FAM72A: variants seen among roughly 807,000 people sequenced by gnomAD.
FAM72A encodes protein FAM72A.
FAM72A carries 1 observed loss-of-function variant against 11.3 expected under a neutral mutation model. That is an observed-to-expected ratio of 0.09 (90% CI 0.03 to 0.42). The LOEUF is 0.42. Among genes scored for constraint, FAM72A ranks in the 10% least tolerant of loss-of-function variants. FAM72A has a pLI of 0.98. For missense variants in FAM72A, 15 were observed against 135.5 expected, an observed-to-expected ratio of 0.11 and a Z score of 4.41; for synonymous variants, 5 against 46.9, an observed-to-expected ratio of 0.11 and a Z score of 3.65.
upstream of FAM72A, chr1:206,204,165 T>C: frequency 2.4e-6 from 1 of 408,340 alleles, no homozygotes; most frequent in Non-Finnish European, 4.2e-6. Flanking sequence ...CTCCCATCCC[T>C]AGACCACATC....
At chr1:206,191,612 CAAAA>C (rs541222246) in intron 3 of FAM72A, among the ~76,000 whole-genome samples, 1 of 85,452 alleles carries the variant, frequency 1.2e-5, no homozygotes, top group Admixed American at 1.3e-4. Flanking sequence ...AACTCTGTCT[CAAAA>C]AAAAAAAAAA....
chr1:206,191,719 ATATTAT>A (rs1239420806), intron 3 of FAM72A, among the ~76,000 whole-genome samples: 1 of 128,980 alleles, frequency 7.8e-6, no homozygotes, highest in Admixed American at 7.6e-5. Context: ...TCTTACTAAA[ATATTAT>A]TTTTTTTTTT....
intron 3 of FAM72A, among the ~76,000 whole-genome samples, chr1:206,192,058 G>GA (rs1329736621): frequency 8.5e-6 from 1 of 117,206 alleles, no homozygotes; most frequent in Non-Finnish European, 1.7e-5. Flanking sequence ...AAGTCTAACA[G>GA]CATATGCTTA....
rs1178799039 is a variant in FAM72A, at chr1:206,198,363, TA to T, written c.230+1443del. On this transcript the variant is annotated intron_variant, in intron 2 of 3. Transcript: ENST00000367128. ...TGGGTGACAGAGCAAAACTCCGTCT[TA>T]AAAAAAAAAAAAAAGAAAGAAGAAA... 7.2e-3 allele frequency among the ~76,000 whole-genome samples: 1,011 copies of T among 140,880 alleles called. 1 individual carries two copies. Among genetic ancestry groups the T allele is most frequent in the Non-Finnish European group, 7.6e-3 (487 of 64,262 alleles). 92.4% of individuals were successfully genotyped at this position (140,880 alleles called of 152,430 possible).
chr1:206,193,715 C>T (rs1664916888), intron 3 of FAM72A, among the ~76,000 whole-genome samples: 1 of 151,750 alleles, frequency 6.6e-6, no homozygotes, highest in Admixed American at 6.6e-5. Flanking sequence ...TATACTTTGC[C>T]TGTGCGCTGT....
At chr1:206,198,518 TAAG>T (rs1313950699) in intron 2 of FAM72A, among the ~76,000 whole-genome samples, 61 of 144,988 alleles carry the variant, frequency 4.2e-4, no homozygotes, top group Non-Finnish European at 7.6e-4. Flanking sequence ...AAATAGCACA[TAAG>T]AAGAGCTTGC....
intron 3 of FAM72A, among the ~76,000 whole-genome samples, chr1:206,190,633 G>A (rs1664733579): frequency 7.9e-6 from 1 of 127,344 alleles, no homozygotes; most frequent in Non-Finnish European, 1.6e-5. Context: ...CCCTTTGGAG[G>A]CCAAGGTGGG....
upstream of FAM72A, chr1:206,203,251 T>G (rs2102405838): frequency 2.6e-6 from 1 of 389,444 alleles, no homozygotes; most frequent in Non-Finnish European, 4.6e-6. Flanking sequence ...CAATTGGCCG[T>G]GCCTTAGCTC....
At chr1:206,203,021 G>A (rs1553299577), upstream of FAM72A, 2 of 153,544 alleles carry the variant, frequency 1.3e-5, no homozygotes, top group Non-Finnish European at 2.9e-5. Flanking sequence ...CCCAGTAACG[G>A]TGCTGAGATC....
At chr1:206,198,647 A>C (rs1270904811) in intron 2 of FAM72A, among the ~76,000 whole-genome samples, 2 of 151,838 alleles carry the variant, frequency 1.3e-5, no homozygotes, top group African/African-American at 4.8e-5. Flanking sequence ...TAACACGTCT[A>C]CTCAAAAGAT....
At position 206,198,342 on chromosome 1, in the gene FAM72A, T is replaced by C. The variant is rs1300331773; in HGVS notation, c.230+1465A>G. ...TCGTGCCACTGCACTCTAGCCTGGG[T>C]GACAGAGCAAAACTCCGTCTTAAAA... On this transcript the variant is annotated intron_variant, in intron 2 of 3. Coordinates refer to ENST00000367128, the MANE Select transcript of FAM72A (RefSeq NM_001123168.3). Among the ~76,000 whole-genome samples, 511 of 149,530 alleles carry C rather than the reference T, an allele frequency of 3.4e-3. 1 individual carries two copies. The highest frequency in any genetic ancestry group is 0.014 in the Middle Eastern group (4 of 284).
upstream of FAM72A, chr1:206,203,592 A>G (rs1187790776): frequency 3.2e-5 from 19 of 584,960 alleles, no homozygotes; most frequent in African/African-American, 5.6e-5. Flanking sequence ...AAGAGAGGGG[A>G]GGAGAGCTCT....
At chr1:206,190,611 C>G (rs1330070891) in intron 3 of FAM72A, among the ~76,000 whole-genome samples, 1 of 126,992 alleles carries the variant, frequency 7.9e-6, no homozygotes, top group East Asian at 2.4e-4. Context: ...TGTCTCAGGC[C>G]TGTAATCCCA....
At chr1:206,193,276 A>G (rs1664894633) in intron 3 of FAM72A, among the ~76,000 whole-genome samples, 1 of 146,600 alleles carries the variant, frequency 6.8e-6, no homozygotes, top group Non-Finnish European at 1.5e-5. Context: ...ATCTCGGCTC[A>G]CTTCAAACTC....
intron 2 of FAM72A, 141 bp from the exon 3 acceptor site, chr1:206,196,017 G>A (rs1273643579): frequency 1.2e-6 from 1 of 855,196 alleles, no homozygotes. Context: ...GGGATGGGAT[G>A]GGGGTGCAGT....
At chr1:206,198,040 C>A (rs1189584255) in intron 2 of FAM72A, among the ~76,000 whole-genome samples, 3 of 150,386 alleles carry the variant, frequency 2.0e-5, no homozygotes, top group Non-Finnish European at 2.9e-5. Flanking sequence ...GCTAACATGG[C>A]GAAATCCCGT....
intron 3 of FAM72A, among the ~76,000 whole-genome samples, chr1:206,191,953 T>C (rs1303698436): frequency 6.7e-6 from 1 of 148,236 alleles, no homozygotes; most frequent in Non-Finnish European, 1.5e-5. Context: ...CTAAAATAAT[T>C]AGTATAGGCA....
chr1:206,196,865 T>G (rs1665090280), intron 2 of FAM72A, among the ~76,000 whole-genome samples: 1 of 150,162 alleles, frequency 6.7e-6, no homozygotes, highest in African/African-American at 2.5e-5. Flanking sequence ...AGCTAGTACT[T>G]TAAAAAAAAT....
At chr1:206,203,767 C>T, upstream of FAM72A, 1 of 1,499,706 alleles carries the variant, frequency 6.7e-7, no homozygotes. Context: ...GCGGCATCGC[C>T]TTAGCGGTGC....
Sources: gnomAD v4.1 joint callset for allele counts (sites outside exome capture counted in the v4.1 genomes callset) on GRCh38, gnomAD v4.1.1 for gene constraint, MANE v1.5 for transcripts, NCBI Gene and HGNC (gene_info 2026-07-23, HGNC 2026-07-21) for gene names.